IMPG1: variants seen among roughly 807,000 people sequenced by gnomAD.
The protein encoded by IMPG1 is interphotoreceptor matrix proteoglycan of 150 kDa.
In IMPG1, 85 loss-of-function variants were observed where a neutral mutation model predicts 92.0. That is an observed-to-expected ratio of 0.92 (90% CI 0.78 to 1.11). IMPG1 has a LOEUF of 1.11. Among genes scored for constraint, IMPG1 ranks in the 50% least tolerant of loss-of-function variants. The pLI is 0.00. For synonymous variants in IMPG1, 367 were observed against 334.1 expected (o/e 1.10, Z -1.08); for missense variants, 1,022 against 956.0 (o/e 1.07, Z -0.91).
chr6:75,926,821 A>G (rs553754465), intron 15 of IMPG1, among the ~76,000 whole-genome samples: 14 of 152,204 alleles, frequency 9.2e-5, no homozygotes, highest in Admixed American at 7.8e-4. Context: ...TATGGAGTAT[A>G]GTTACAAATA....
chr6:76,009,786 C>T (rs956799302), intron 8 of IMPG1, among the ~76,000 whole-genome samples: 1 of 152,160 alleles, frequency 6.6e-6, no homozygotes. Flanking sequence ...ACTTCTAAAA[C>T]AGATTTTTTA....
At chr6:75,935,386 A>C (rs1267086859) in intron 14 of IMPG1, among the ~76,000 whole-genome samples, 1 of 152,242 alleles carries the variant, frequency 6.6e-6, no homozygotes, top group African/African-American at 2.4e-5. Context: ...TCTGGAATCC[A>C]AACGCTTCCC....
chr6:76,042,373 A>G (rs185794837), intron 1 of IMPG1, among the ~76,000 whole-genome samples: 10 of 152,268 alleles, frequency 6.6e-5, no homozygotes, highest in Non-Finnish European at 1.0e-4. Flanking sequence ...GCCTTTAGGA[A>G]CTGCCAAATA....
At position 75,932,178 on chromosome 6, in the gene IMPG1, A is replaced by G. The variant is rs138122014; in HGVS notation, c.2045-1027T>C. ...AAAATGCGTACAGATAATGCTATAC[A>G]GTCCTCTGACTGGTCTCACGGCCAT... On this transcript the variant is annotated intron_variant, in intron 14 of 16. Coordinates refer to ENST00000369950, the MANE Select transcript of IMPG1 (RefSeq NM_001563.4). Among the ~76,000 whole-genome samples the G allele has an allele frequency of 4.5e-4, 69 of 152,384 alleles. No homozygotes were observed. The East Asian group carries it at 0.013, about 28-fold the overall frequency.
intron 4 of IMPG1, among the ~76,000 whole-genome samples, chr6:76,026,558 C>A (rs1165984871): frequency 6.6e-6 from 1 of 152,222 alleles, no homozygotes; most frequent in East Asian, 1.9e-4. Context: ...TCCCACACAG[C>A]TGGCTGGCTT....
intron 1 of IMPG1, among the ~76,000 whole-genome samples, chr6:76,043,098 AAG>A (rs1434193059): frequency 6.6e-6 from 1 of 152,002 alleles, no homozygotes; most frequent in Non-Finnish European, 1.5e-5. Context: ...GCTTGGGAGA[AAG>A]AGAGAGAGAA....
At chr6:75,985,467 G>A (rs947434101) in intron 12 of IMPG1, among the ~76,000 whole-genome samples, 2 of 152,250 alleles carry the variant, frequency 1.3e-5, no homozygotes, top group African/African-American at 4.8e-5. Flanking sequence ...TAAACAGATT[G>A]GCTGAGTCAT....
intron 1 of IMPG1, among the ~76,000 whole-genome samples, chr6:76,045,809 A>G (rs1562382395): frequency 6.6e-6 from 1 of 152,140 alleles, no homozygotes; most frequent in Non-Finnish European, 1.5e-5. Context: ...ACTGAACTGA[A>G]CTTTTAAAGA....
chr6:75,924,039 T>G (rs1473516740), intron 15 of IMPG1, among the ~76,000 whole-genome samples: 2 of 152,026 alleles, frequency 1.3e-5, no homozygotes, highest in Non-Finnish European at 2.9e-5. Flanking sequence ...TAAACCACAA[T>G]AAACTGTCAC....
At chr6:76,071,864 T>A (rs1284436624) in intron 1 of IMPG1, among the ~76,000 whole-genome samples, 1 of 152,128 alleles carries the variant, frequency 6.6e-6, no homozygotes, top group East Asian at 1.9e-4. Context: ...AGATTTGCCA[T>A]AAGAACATAC....
Position 75,921,733 on chromosome 6 carries a change from G to T in IMPG1, c.*356C>A. ...AGTTTGCTTCCCAATAAATTGTTCAGTCCCTAAACAATAAGTAAGCTATGC... is the reference window on the plus strand; with the variant it reads ...AGTTTGCTTCCCAATAAATTGTTCATTCCCTAAACAATAAGTAAGCTATGC... On this transcript the variant is annotated 3_prime_UTR_variant, in exon 17 of 17. Coordinates refer to ENST00000369950, the MANE Select transcript of IMPG1 (RefSeq NM_001563.4). The T allele has an allele frequency of 4.4e-6, 1 of 229,470 alleles. No individual in the cohort carries two copies. Among genetic ancestry groups the T allele is most frequent in the Non-Finnish European group, 8.5e-6 (1 of 117,084 alleles). 14.2% of individuals were successfully genotyped at this position (229,470 alleles called of 1,614,324 possible).
chr6:76,032,422 A>G (rs1453073664), intron 4 of IMPG1, among the ~76,000 whole-genome samples: 2 of 152,340 alleles, frequency 1.3e-5, no homozygotes, highest in South Asian at 4.1e-4. Flanking sequence ...GATTTTCCTT[A>G]GTCACATTAT....
intron 14 of IMPG1, among the ~76,000 whole-genome samples, chr6:75,940,231 T>C (rs1781816351): frequency 6.6e-6 from 1 of 152,230 alleles, no homozygotes; most frequent in African/African-American, 2.4e-5. Flanking sequence ...TGGCTTCAGT[T>C]GAAGTTTCCC....
At chr6:76,056,604 C>T (rs1351647277) in intron 1 of IMPG1, among the ~76,000 whole-genome samples, 1 of 152,096 alleles carries the variant, frequency 6.6e-6, no homozygotes, top group East Asian at 1.9e-4. Context: ...TGAAGAACTT[C>T]CATACTGTTT....
intron 1 of IMPG1, among the ~76,000 whole-genome samples, chr6:76,068,948 A>C (rs1784357424): frequency 6.6e-6 from 1 of 152,126 alleles, no homozygotes; most frequent in African/African-American, 2.4e-5. Context: ...TATAGAAAAA[A>C]CAACAAAAGA....
chr6:75,984,103 T>C (rs1412689320), intron 12 of IMPG1, among the ~76,000 whole-genome samples: 1 of 152,238 alleles, frequency 6.6e-6, no homozygotes, highest in African/African-American at 2.4e-5. Flanking sequence ...GGGGAACATT[T>C]GCACATTGTT....
intron 12 of IMPG1, among the ~76,000 whole-genome samples, chr6:75,963,836 C>T (rs550405965): frequency 6.6e-6 from 1 of 152,312 alleles, no homozygotes. Flanking sequence ...TTGTTTCAAC[C>T]TGACTCCCTG....
chr6:75,987,033 C>T (rs1014195316), intron 12 of IMPG1, among the ~76,000 whole-genome samples: 1 of 152,160 alleles, frequency 6.6e-6, no homozygotes, highest in Non-Finnish European at 1.5e-5. Context: ...GAAGGGCACT[C>T]ACAGTTGAGT....
At chr6:75,996,586 A>G (rs1297912948) in intron 12 of IMPG1, among the ~76,000 whole-genome samples, 1 of 152,144 alleles carries the variant, frequency 6.6e-6, no homozygotes, top group Non-Finnish European at 1.5e-5. Context: ...GCAGCCTGGA[A>G]AAAGGGTGGT....
Sources: gnomAD v4.1 joint callset for allele counts (sites outside exome capture counted in the v4.1 genomes callset) on GRCh38, gnomAD v4.1.1 for gene constraint, MANE v1.5 for transcripts, NCBI Gene and HGNC (gene_info 2026-07-23, HGNC 2026-07-21) for gene names.